Variants in PTPRD observed in about 807,000 individuals in gnomAD.
The protein encoded by PTPRD is receptor-type tyrosine-protein phosphatase delta.
Under a neutral mutation model 214.5 loss-of-function variants are expected in PTPRD, and 34 were observed. The ratio of observed to expected loss-of-function variants is 0.16; its 90% CI spans 0.12 to 0.21. The LOEUF (loss-of-function observed/expected upper bound fraction) is 0.21, where lower values mean the gene tolerates loss of function less well. Ranked by LOEUF, PTPRD falls within the 10% of genes least tolerant of loss-of-function variation. PTPRD has a pLI of 1.00. For synonymous variants in PTPRD, 1,128 were observed against 845.7 expected (o/e 1.33, Z -5.79); for missense variants, 2,545 against 2,398.7 (o/e 1.06, Z -1.27).
intron 3 of PTPRD, among the ~76,000 whole-genome samples, chr9:10,158,920 T>C (rs1404352829): frequency 6.6e-6 from 1 of 152,154 alleles, no homozygotes; most frequent in African/African-American, 2.4e-5. Context: ...ACTGCCATCC[T>C]CAGTCTTGGA....
At chr9:8,912,708 T>C in intron 11 of PTPRD, among the ~76,000 whole-genome samples, 1 of 152,326 alleles carries the variant, frequency 6.6e-6, no homozygotes, top group African/African-American at 2.4e-5. Context: ...TCAGGAAATG[T>C]ATAATTTTTT....
intron 2 of PTPRD, among the ~76,000 whole-genome samples, chr9:10,422,615 A>G (rs1045327275): frequency 1.3e-5 from 2 of 152,030 alleles, no homozygotes; most frequent in African/African-American, 4.8e-5. Context: ...AAGAAAAAAA[A>G]CAAACAACCC....
chr9:8,639,470 C>T (rs898167919), intron 12 of PTPRD, among the ~76,000 whole-genome samples: 3 of 152,122 alleles, frequency 2.0e-5, no homozygotes, highest in African/African-American at 7.2e-5. Flanking sequence ...ATTGTAAGAG[C>T]CCAGCTTCCC....
chr9:9,416,141 A>G (rs1472087849), intron 8 of PTPRD, among the ~76,000 whole-genome samples: 1 of 152,138 alleles, frequency 6.6e-6, no homozygotes, highest in East Asian at 1.9e-4. Context: ...TCCTACTTCC[A>G]GCTTCCATCC....
intron 7 of PTPRD, among the ~76,000 whole-genome samples, chr9:9,691,907 C>A (rs1216008241): frequency 6.6e-6 from 1 of 151,930 alleles, no homozygotes; most frequent in African/African-American, 2.4e-5. Context: ...TACCTGTTTG[C>A]CATTTGTATG....
intron 11 of PTPRD, among the ~76,000 whole-genome samples, chr9:8,743,621 A>G (rs547134852): frequency 6.6e-6 from 1 of 152,160 alleles, no homozygotes; most frequent in East Asian, 1.9e-4. Context: ...TCAAAGAGTT[A>G]TATCTATGAC....
At chr9:9,911,422 G>C (rs1310494082) in intron 5 of PTPRD, among the ~76,000 whole-genome samples, 3 of 148,050 alleles carry the variant, frequency 2.0e-5, no homozygotes, top group Non-Finnish European at 4.5e-5. Context: ...AAGGCATTTA[G>C]AAACGCAAAT....
At chr9:9,144,462 A>G (rs2099865219) in intron 10 of PTPRD, among the ~76,000 whole-genome samples, 1 of 152,136 alleles carries the variant, frequency 6.6e-6, no homozygotes. Context: ...GTGATTGAAA[A>G]CATTCTTTAG....
At chr9:9,723,937 A>T (rs913102457) in intron 7 of PTPRD, among the ~76,000 whole-genome samples, 1 of 152,072 alleles carries the variant, frequency 6.6e-6, no homozygotes, top group African/African-American at 2.4e-5. Context: ...TACATATACA[A>T]TTATGTAATC....
intron 3 of PTPRD, among the ~76,000 whole-genome samples, chr9:10,156,855 T>G (rs1431096623): frequency 1.3e-5 from 2 of 152,178 alleles, no homozygotes; most frequent in Non-Finnish European, 2.9e-5. Flanking sequence ...AGTTAGGTCT[T>G]CTCTTGAATT....
intron 8 of PTPRD, among the ~76,000 whole-genome samples, chr9:9,479,172 AT>A (rs1215144211): frequency 2.0e-5 from 3 of 149,072 alleles, no homozygotes; most frequent in Non-Finnish European, 4.4e-5. Flanking sequence ...TAGTTCTTAT[AT>A]GAGGAGATAA....
intron 7 of PTPRD, among the ~76,000 whole-genome samples, chr9:9,629,514 G>C (rs551863922): frequency 9.2e-5 from 14 of 152,116 alleles, no homozygotes; most frequent in South Asian, 2.1e-4. Flanking sequence ...TAGACTTGTG[G>C]CTAAGACCTA....
intron 14 of PTPRD, among the ~76,000 whole-genome samples, chr9:8,585,367 GT>G (rs1564528180): frequency 6.6e-6 from 1 of 152,114 alleles, no homozygotes; most frequent in Non-Finnish European, 1.5e-5. Context: ...TGATGCCCTG[GT>G]TCTGTCAAGG....
intron 14 of PTPRD, 73 bp from the exon 15 acceptor site, chr9:8,528,852 ATC>A: frequency 6.9e-7 from 1 of 1,458,928 alleles, no homozygotes; most frequent in Non-Finnish European, 9.5e-7. Context: ...TTCCCCAGAA[ATC>A]TCTCTTTACC....
chr9:10,266,689 G>A (rs536632621), intron 3 of PTPRD, among the ~76,000 whole-genome samples: 341 of 152,064 alleles, frequency 2.2e-3, no homozygotes, highest in Non-Finnish European at 3.7e-3. Flanking sequence ...GAGCTTGAGA[G>A]GAAACTATAG....
intron 12 of PTPRD, chr9:8,713,788 C>T (rs2098398244): frequency 2.0e-6 from 3 of 1,536,080 alleles, no homozygotes; most frequent in East Asian, 2.4e-5. Context: ...CCGGGTCCTG[C>T]GCCTTCAGCA....
intron 9 of PTPRD, among the ~76,000 whole-genome samples, chr9:9,258,473 G>T (rs969875312): frequency 6.6e-6 from 1 of 151,432 alleles, no homozygotes; most frequent in South Asian, 2.1e-4. Context: ...CGAGTTTTTT[G>T]AAAAATCTGT....
intron 11 of PTPRD, among the ~76,000 whole-genome samples, chr9:8,924,410 C>A (rs901625791): frequency 6.6e-6 from 1 of 152,170 alleles, no homozygotes; most frequent in African/African-American, 2.4e-5. Flanking sequence ...AGAGAAACCA[C>A]TGAGTACTTG....
At chr9:10,282,116 C>A (rs1292208951) in intron 3 of PTPRD, among the ~76,000 whole-genome samples, 1 of 152,050 alleles carries the variant, frequency 6.6e-6, no homozygotes, top group Non-Finnish European at 1.5e-5. Flanking sequence ...ATGGAAAGAT[C>A]ATGACTTTCT....
Sources: gnomAD v4.1 joint callset for allele counts (sites outside exome capture counted in the v4.1 genomes callset) on GRCh38, gnomAD v4.1.1 for gene constraint, MANE v1.5 for transcripts, NCBI Gene and HGNC (gene_info 2026-07-23, HGNC 2026-07-21) for gene names.